The following TENM4 variants were observed in gnomAD, a reference collection of about 807,000 sequenced individuals.
TENM4 encodes teneurin-4.
Under a neutral mutation model 243.3 loss-of-function variants are expected in TENM4, and 82 were observed. That is an observed-to-expected ratio of 0.34 (90% confidence interval 0.28 to 0.40). The LOEUF (loss-of-function observed/expected upper bound fraction) is 0.40. Among genes scored for constraint, TENM4 ranks in the 10% least tolerant of loss-of-function variants. The pLI, the probability that TENM4 is intolerant of heterozygous loss-of-function variation, is 1.00. For synonymous variants in TENM4, 1,412 were observed against 1,456.3 expected (o/e 0.97, Z 0.69); for missense variants, 3,138 against 3,673.3 (o/e 0.85, Z 3.77).
intron 4 of TENM4, among the ~76,000 whole-genome samples, chr11:79,085,645 T>C (rs1860793564): frequency 1.3e-5 from 2 of 152,234 alleles, no homozygotes; most frequent in Non-Finnish European, 1.5e-5. Context: ...GTTGCCTTGT[T>C]ATCCAGGAGA....
chr11:78,701,479 T>C, intron 28 of TENM4, 47 bp downstream of exon 28: 1 of 1,514,654 alleles, frequency 6.6e-7, no homozygotes. Flanking sequence ...AATCCTACAA[T>C]GAATTAATGA....
intron 3 of TENM4, among the ~76,000 whole-genome samples, chr11:79,208,744 A>G (rs545962928): frequency 2.0e-4 from 30 of 152,348 alleles, no homozygotes; most frequent in African/African-American, 7.2e-4. Context: ...GGTGGCTGAC[A>G]TCTAATAGGC....
At chr11:79,108,594 C>A (rs1219776768) in intron 4 of TENM4, among the ~76,000 whole-genome samples, 3 of 152,006 alleles carry the variant, frequency 2.0e-5, no homozygotes, top group African/African-American at 4.8e-5. Context: ...ACTAATATGC[C>A]ATCTTAACCA....
At chr11:79,051,503 T>A (rs1019937122) in intron 6 of TENM4, among the ~76,000 whole-genome samples, 1 of 152,242 alleles carries the variant, frequency 6.6e-6, no homozygotes, top group African/African-American at 2.4e-5. Context: ...CAAGTAGTTC[T>A]ATATTCCTGT....
chr11:79,326,240 T>C (rs1023988195), intron 1 of TENM4, among the ~76,000 whole-genome samples: 1 of 152,162 alleles, frequency 6.6e-6, no homozygotes, highest in African/African-American at 2.4e-5. Flanking sequence ...AAGGCCTTTA[T>C]CATAAGTCCC....
At chr11:78,690,877 C>G (rs1379218236) in intron 28 of TENM4, among the ~76,000 whole-genome samples, 1 of 152,176 alleles carries the variant, frequency 6.6e-6, no homozygotes, top group East Asian at 1.9e-4. Context: ...TGTACATACT[C>G]TTTATTAAAA....
At chr11:79,315,034 G>T (rs1203408144) in intron 1 of TENM4, among the ~76,000 whole-genome samples, 4 of 152,216 alleles carry the variant, frequency 2.6e-5, no homozygotes, top group African/African-American at 4.8e-5. Flanking sequence ...TATGCACAGA[G>T]GGTGGTAGGA....
chr11:78,830,553 T>C (rs1006263993), intron 12 of TENM4, among the ~76,000 whole-genome samples: 1 of 152,224 alleles, frequency 6.6e-6, no homozygotes, highest in African/African-American at 2.4e-5. Flanking sequence ...TGCCTGGCAG[T>C]GCACCAGTGT....
intron 4 of TENM4, among the ~76,000 whole-genome samples, chr11:79,118,448 T>C (rs1861667922): frequency 6.6e-6 from 1 of 152,214 alleles, no homozygotes; most frequent in South Asian, 2.1e-4. Flanking sequence ...TATACTTCAA[T>C]GGCATTGAGT....
At chr11:79,142,386 T>C (rs1862303193) in intron 4 of TENM4, among the ~76,000 whole-genome samples, 1 of 151,948 alleles carries the variant, frequency 6.6e-6, no homozygotes. Flanking sequence ...TTATAACAGC[T>C]ATAAATAAAG....
chr11:78,785,065 T>G (rs1487517970), intron 16 of TENM4, among the ~76,000 whole-genome samples: 3 of 151,714 alleles, frequency 2.0e-5, no homozygotes, highest in South Asian at 2.1e-4. Flanking sequence ...GTTTTTTTTT[T>G]TTGTTTTTGT....
In TENM4 at chr11:79,212,636, A is replaced by T. The variant is rs537636838; in HGVS notation, c.-163+3172T>A. ...GCAGCTACGGTGACTCACAGGGGTC[A>T]TCCCACTGCAGGTGTGAGAGGTGAG... On this transcript the variant is annotated intron_variant, in intron 3 of 33. Transcript: ENST00000278550. Among the ~76,000 whole-genome samples, 6 of 152,266 alleles carry T rather than the reference A, an allele frequency of 3.9e-5. No homozygotes were observed. The South Asian group carries it at 1.0e-3, about 26-fold the overall frequency.
chr11:79,394,810 G>A (rs1858307509), intron 1 of TENM4, among the ~76,000 whole-genome samples: 4 of 152,194 alleles, frequency 2.6e-5, no homozygotes, highest in African/African-American at 9.7e-5. Context: ...ACAGAGTGGG[G>A]AAACCACCCT....
chr11:78,743,390 A>T (rs1855976778), intron 19 of TENM4, among the ~76,000 whole-genome samples: 1 of 152,226 alleles, frequency 6.6e-6, no homozygotes, highest in African/African-American at 2.4e-5. Flanking sequence ...AGTGGGGAAA[A>T]GAAAACCTCC....
intron 6 of TENM4, among the ~76,000 whole-genome samples, chr11:79,046,394 T>C (rs1483722727): frequency 6.6e-6 from 1 of 152,156 alleles, no homozygotes; most frequent in Non-Finnish European, 1.5e-5. Flanking sequence ...GAGCCTGTCA[T>C]AGTGCCTGGC....
chr11:78,903,662 A>T (rs1855994098), intron 6 of TENM4, 139 bp from the exon 7 acceptor site: 1 of 1,346,570 alleles, frequency 7.4e-7, no homozygotes, highest in South Asian at 1.3e-5. Context: ...ATCAGTAATT[A>T]CACGACAGTT....
At chr11:79,307,137 A>C (rs1227805563) in intron 1 of TENM4, among the ~76,000 whole-genome samples, 1 of 152,108 alleles carries the variant, frequency 6.6e-6, no homozygotes, top group African/African-American at 2.4e-5. Context: ...ACAACCCTAT[A>C]AAGTCGGTTT....
chr11:79,203,741 G>A (rs975776009), intron 3 of TENM4, among the ~76,000 whole-genome samples: 9 of 152,162 alleles, frequency 5.9e-5, no homozygotes, highest in African/African-American at 1.9e-4. Context: ...TCTGCAGTTG[G>A]TTGAATTCAT....
Position 78,672,295 on chromosome 11 carries a change from T to C in TENM4, c.5531A>G (p.Asp1844Gly). Residue 1844 changes from aspartate to glycine, a missense_variant, in exon 31 of 34, where the codon GAT (aspartate) becomes GGT (glycine). Transcript: ENST00000278550. ...HNRNLLSLDF[D>G]RVTRTEKIYD... ...GATCTTCTCTGTGCGTGTTACGCGA[T>C]CAAAGTCCAGAGATAGGAGATTTCG... 6.2e-7 allele frequency: 1 copy of C among 1,612,786 alleles called. No individual in the cohort carries two copies.
Sources: gnomAD v4.1 joint callset for allele counts (sites outside exome capture counted in the v4.1 genomes callset) on GRCh38, gnomAD v4.1.1 for gene constraint, MANE v1.5 for transcripts, NCBI Gene and HGNC (gene_info 2026-07-23, HGNC 2026-07-21) for gene names.